The following EPC2 variants were observed in gnomAD, a reference collection of about 807,000 sequenced individuals.
EPC2 encodes the protein enhancer of polycomb homolog 2.
Under a neutral mutation model 92.1 loss-of-function variants are expected in EPC2, and 14 were observed. The observed-to-expected ratio is 0.15, with a 90% CI of 0.10 to 0.24. EPC2 has a LOEUF of 0.24. Ranked by LOEUF, EPC2 falls within the 10% of genes least tolerant of loss-of-function variation. The pLI is 1.00. For synonymous variants in EPC2, 340 were observed against 334.7 expected (o/e 1.02, Z -0.17); for missense variants, 755 against 971.5 (o/e 0.78, Z 2.96).
At chr2:148,690,132 TAAAC>T (rs577238382) in intron 1 of EPC2, 78 bp from the exon 2 acceptor site, 282 of 1,312,202 alleles carry the variant, frequency 2.1e-4, no homozygotes, top group Middle Eastern at 5.9e-4. Context: ...TTGTGATTAT[TAAAC>T]AAAGTAACTT....
chr2:148,721,472 T>C (rs1682372406), intron 2 of EPC2, among the ~76,000 whole-genome samples: 1 of 152,134 alleles, frequency 6.6e-6, no homozygotes, highest in South Asian at 2.1e-4. Context: ...TCAAGGTTTT[T>C]TCTTTACCTT....
intron 1 of EPC2, among the ~76,000 whole-genome samples, chr2:148,678,439 C>G (rs367614565): frequency 6.6e-6 from 1 of 152,200 alleles, no homozygotes; most frequent in African/African-American, 2.4e-5. Context: ...GACTGGGTGC[C>G]GTGGAGCAGG....
At chr2:148,656,626 A>G (rs942487502) in intron 1 of EPC2, among the ~76,000 whole-genome samples, 2 of 152,002 alleles carry the variant, frequency 1.3e-5, no homozygotes, top group Non-Finnish European at 2.9e-5. Context: ...AAGCACAGGG[A>G]CCTTTTCTTT....
chr2:148,783,492 G>A, intron 11 of EPC2, 105 bp from the exon 12 acceptor site: 1 of 1,064,892 alleles, frequency 9.4e-7, no homozygotes, highest in East Asian at 2.6e-5. Context: ...ACTTGTAATT[G>A]TTCAAGGTTA....
intron 1 of EPC2, among the ~76,000 whole-genome samples, chr2:148,687,021 C>G (rs1436156106): frequency 1.3e-5 from 2 of 152,154 alleles, no homozygotes; most frequent in Non-Finnish European, 2.9e-5. Context: ...GCATCTTCTA[C>G]CAGTAGAAGG....
rs569258264 is a variant in EPC2 at position 148,694,147 on chromosome 2, A to C, written c.313+3774A>C. Reference sequence around the variant, plus strand: ...CAGTATTTGTTGGACTAAAAATTGTACACAGAATCAAATATAAGGCTAAAA... The same window carrying C: ...CAGTATTTGTTGGACTAAAAATTGTCCACAGAATCAAATATAAGGCTAAAA... On this transcript the variant is annotated intron_variant, in intron 2 of 13. Coordinates refer to ENST00000258484, the MANE Select transcript of EPC2 (RefSeq NM_015630.4). 2.0e-5 allele frequency among the ~76,000 whole-genome samples: 3 copies of C among 152,384 alleles called. No individual in the cohort carries two copies. The South Asian group carries it at 6.2e-4, about 32-fold the overall frequency.
intron 2 of EPC2, among the ~76,000 whole-genome samples, chr2:148,699,076 C>T (rs1244031521): frequency 6.6e-6 from 1 of 151,826 alleles, no homozygotes; most frequent in Non-Finnish European, 1.5e-5. Context: ...AAGTTTTAGA[C>T]CCAGATTATT....
chr2:148,740,746 T>C (rs965403134), intron 2 of EPC2, among the ~76,000 whole-genome samples: 7 of 152,180 alleles, frequency 4.6e-5, no homozygotes, highest in Non-Finnish European at 7.4e-5. Context: ...GTTTAACTTA[T>C]AAATTCAGTA....
chr2:148,753,234 T>G (rs1373798835), intron 3 of EPC2, among the ~76,000 whole-genome samples: 1 of 152,146 alleles, frequency 6.6e-6, no homozygotes, highest in African/African-American at 2.4e-5. Context: ...ATACCAGCAT[T>G]AGAGCTCCTA....
At chr2:148,780,899 T>C (rs1379656982) in intron 10 of EPC2, among the ~76,000 whole-genome samples, 1 of 152,208 alleles carries the variant, frequency 6.6e-6, no homozygotes, top group African/African-American at 2.4e-5. Flanking sequence ...TGTTTACATT[T>C]CTTTGAGAAA....
intron 1 of EPC2, among the ~76,000 whole-genome samples, chr2:148,682,448 T>C: frequency 6.6e-6 from 1 of 152,376 alleles, no homozygotes; most frequent in South Asian, 2.1e-4. Context: ...TAATGAGTAG[T>C]GTTTTTGACC....
At position 148,771,343 on chromosome 2, in the gene EPC2, C is replaced by T; in HGVS notation, c.1676C>T (p.Ala559Val). The part of the protein sequence containing the change: ...GQTVNNKRVS[A>V]ASVALLNTSK... ...ACTGTGAACAATAAAAGAGTTTCTG[C>T]AGCATCTGTAGCTTTATTGAACACC... The change falls in exon 10 of 14, where the codon GCA becomes GTA. Residue 559 changes from alanine (A) to valine (V), a missense_variant. Ala to Val is a moderately conservative substitution (Grantham distance 64, BLOSUM62 0). Coordinates refer to ENST00000258484, the MANE Select transcript of EPC2 (RefSeq NM_015630.4). 6.2e-7 allele frequency: 1 copy of T among 1,611,216 alleles called. No individual in the cohort carries two copies. Among genetic ancestry groups the T allele is most frequent in the Non-Finnish European group, 8.5e-7 (1 of 1,179,040 alleles).
At chr2:148,735,524 CT>C (rs1295174479) in intron 2 of EPC2, among the ~76,000 whole-genome samples, 7 of 151,746 alleles carry the variant, frequency 4.6e-5, no homozygotes, top group African/African-American at 1.7e-4. Context: ...TTTTTAAAAA[CT>C]TTTATGGAAA....
At chr2:148,668,483 T>C (rs1311771718) in intron 1 of EPC2, among the ~76,000 whole-genome samples, 2 of 152,200 alleles carry the variant, frequency 1.3e-5, no homozygotes, top group African/African-American at 4.8e-5. Context: ...TCCTCCCTCG[T>C]CAGTATTTTG....
chr2:148,748,928 A>C (rs1038129014), intron 3 of EPC2, among the ~76,000 whole-genome samples: 1 of 152,106 alleles, frequency 6.6e-6, no homozygotes, highest in African/African-American at 2.4e-5. Flanking sequence ...GACCACTGCT[A>C]TTCTGCCACT....
At chr2:148,769,888 A>G (rs1448788461) in intron 8 of EPC2, among the ~76,000 whole-genome samples, 1 of 152,060 alleles carries the variant, frequency 6.6e-6, no homozygotes, top group African/African-American at 2.4e-5. Flanking sequence ...CAGCTTTTTT[A>G]GAGTGTGTAA....
intron 7 of EPC2, among the ~76,000 whole-genome samples, chr2:148,768,437 C>T (rs1231909023): frequency 6.6e-6 from 1 of 152,178 alleles, no homozygotes; most frequent in Non-Finnish European, 1.5e-5. Context: ...GATATTTGGC[C>T]TGATAGGACA....
chr2:148,688,010 T>C (rs1461974021), intron 1 of EPC2, among the ~76,000 whole-genome samples: 1 of 152,198 alleles, frequency 6.6e-6, no homozygotes, highest in Non-Finnish European at 1.5e-5. Flanking sequence ...ACGAAACTTT[T>C]CTTTTTGGAT....
intron 1 of EPC2, among the ~76,000 whole-genome samples, chr2:148,650,768 A>T (rs200244379): frequency 6.6e-6 from 1 of 150,862 alleles, no homozygotes; most frequent in East Asian, 2.0e-4. Context: ...GCAGTTTTGT[A>T]AGTTGATACT....
Sources: allele counts gnomAD v4.1 joint callset (sites outside exome capture counted in the v4.1 genomes callset), GRCh38; gene constraint gnomAD v4.1.1; transcripts MANE v1.5; gene names NCBI Gene and HGNC (gene_info 2026-07-23, HGNC 2026-07-21).